Variants in MARCHF10 observed in about 807,000 individuals in gnomAD.
MARCHF10 encodes probable E3 ubiquitin-protein ligase MARCHF10.
In MARCHF10, 64 loss-of-function variants were observed where a neutral mutation model predicts 76.2. The observed-to-expected ratio is 0.84, with a 90% CI of 0.69 to 1.03. The LOEUF is 1.03. MARCHF10 is among the 50% of genes least tolerant of loss of function. MARCHF10 has a pLI of 0.00. For synonymous variants in MARCHF10, 340 were observed against 357.5 expected, an observed-to-expected ratio of 0.95 and a Z score of 0.55; for missense variants, 875 against 958.0, an observed-to-expected ratio of 0.91 and a Z score of 1.14.
intron 7 of MARCHF10, among the ~76,000 whole-genome samples, 163 bp from the exon 8 acceptor site, chr17:62,722,760 A>C (rs910260684): frequency 4.0e-5 from 6 of 151,742 alleles, no homozygotes; most frequent in African/African-American, 1.5e-4. Context: ...ATGACCTTGA[A>C]TCTGAGAGCT....
In MARCHF10 at chr17:62,722,607, G is replaced by T; in HGVS notation, c.2105-10C>A. The T allele has an allele frequency of 1.2e-6, 2 of 1,607,774 alleles. No homozygotes were observed. Among genetic ancestry groups the T allele is most frequent in the Non-Finnish European group, 1.7e-6 (2 of 1,176,014 alleles). Reference sequence around the variant, plus strand: ...GCACCAAGATCTGCTCCTTAAATTGGATAAAGAATTATATGTACATATAAC... The same window carrying T: ...GCACCAAGATCTGCTCCTTAAATTGTATAAAGAATTATATGTACATATAAC... On this transcript the variant is annotated splice_polypyrimidine_tract_variant and intron_variant, in intron 7 of 10. Transcript: ENST00000311269.
intron 5 of MARCHF10, 199 bp from the exon 6 acceptor site, chr17:62,737,531 A>G (rs2091328464): frequency 3.4e-6 from 2 of 586,108 alleles, no homozygotes; most frequent in Admixed American, 6.8e-5. Flanking sequence ...TCTCCTTTGT[A>G]CCCCTGTGGT....
At chr17:62,781,968 T>C (rs138767281) in intron 3 of MARCHF10, among the ~76,000 whole-genome samples, 1 of 152,242 alleles carries the variant, frequency 6.6e-6, no homozygotes, top group East Asian at 1.9e-4. Flanking sequence ...CAGAGGCAAA[T>C]GCTATTTCGA....
intron 6 of MARCHF10, among the ~76,000 whole-genome samples, chr17:62,732,992 C>CAAAAAAAAAAAA (rs398041783): frequency 6.0e-5 from 4 of 66,540 alleles, no homozygotes; most frequent in Non-Finnish European, 5.9e-5. Flanking sequence ...GACTCAGTCT[C>CAAAAAAAAAAAA]AAAAAAAAAA....
intron 1 of MARCHF10, chr17:62,804,896 C>G (rs181363753): frequency 6.6e-6 from 1 of 152,404 alleles, no homozygotes; most frequent in East Asian, 1.9e-4. Context: ...GGCGACATCT[C>G]TACCTTCAGG....
At chr17:62,723,321 C>T (rs1490936830) in intron 7 of MARCHF10, among the ~76,000 whole-genome samples, 1 of 151,250 alleles carries the variant, frequency 6.6e-6, no homozygotes, top group African/African-American at 2.4e-5. Flanking sequence ...TTCTGCCAGA[C>T]AGTTTCTCCC....
intron 5 of MARCHF10, among the ~76,000 whole-genome samples, chr17:62,742,881 C>A (rs771075829): frequency 6.6e-6 from 1 of 151,966 alleles, no homozygotes; most frequent in Admixed American, 6.6e-5. Context: ...TGATCTTCCA[C>A]CTCCGCCTCC....
At chr17:62,704,946 G>GTGTTTT in intron 10 of MARCHF10, 17 of 837,080 alleles carry the variant, frequency 2.0e-5, no homozygotes, top group African/African-American at 9.7e-5. Flanking sequence ...TTCTCCAGTC[G>GTGTTTT]TTTTTTTTTT....
intron 8 of MARCHF10, among the ~76,000 whole-genome samples, chr17:62,715,844 G>C (rs1204762459): frequency 6.6e-6 from 1 of 152,158 alleles, no homozygotes; most frequent in African/African-American, 2.4e-5. Context: ...TAGCACCTGT[G>C]AGCAGCATCT....
intron 2 of MARCHF10, among the ~76,000 whole-genome samples, chr17:62,794,049 AACC>A (rs971273032): frequency 1.5e-5 from 2 of 131,512 alleles, no homozygotes; most frequent in African/African-American, 3.0e-5. Context: ...ACATCTCCAT[AACC>A]ACCATCACCA....
At chr17:62,787,462 A>T (rs962560998) in intron 3 of MARCHF10, among the ~76,000 whole-genome samples, 4 of 152,174 alleles carry the variant, frequency 2.6e-5, no homozygotes, top group Non-Finnish European at 4.4e-5. Flanking sequence ...ATTAAATAGG[A>T]ATTCATAAAA....
intron 3 of MARCHF10, among the ~76,000 whole-genome samples, chr17:62,762,577 T>C (rs940996192): frequency 2.0e-5 from 3 of 152,194 alleles, no homozygotes; most frequent in Admixed American, 6.5e-5. Context: ...GACAGAGTCT[T>C]GCTCTGTCAC....
intron 6 of MARCHF10, among the ~76,000 whole-genome samples, chr17:62,727,502 C>CA (rs138004879): frequency 0.026 from 3,834 of 148,612 alleles, 168 homozygotes; most frequent in African/African-American, 0.089. Flanking sequence ...GACCTTGTCT[C>CA]AAAAAAAAAG....
chr17:62,772,337 C>A (rs895739065), intron 3 of MARCHF10, among the ~76,000 whole-genome samples: 3 of 152,154 alleles, frequency 2.0e-5, no homozygotes, highest in African/African-American at 7.2e-5. Flanking sequence ...TCGCCTTCTG[C>A]CATGATTGTG....
chr17:62,792,753 ACC>A, intron 2 of MARCHF10, among the ~76,000 whole-genome samples: 1 of 133,908 alleles, frequency 7.5e-6, no homozygotes. Flanking sequence ...CACCTCCATC[ACC>A]ACCACCACCT....
At chr17:62,801,832 T>C in intron 1 of MARCHF10, 80 bp from the exon 2 acceptor site, 2 of 1,031,102 alleles carry the variant, frequency 1.9e-6, no homozygotes, top group South Asian at 2.5e-5. Flanking sequence ...TTCATCTAAT[T>C]GCTTTTATTT....
intron 3 of MARCHF10, among the ~76,000 whole-genome samples, chr17:62,784,132 A>G (rs1293647227): frequency 1.3e-5 from 2 of 152,332 alleles, no homozygotes; most frequent in East Asian, 3.9e-4. Context: ...TCAATAAAAT[A>G]CTGGCAAAGC....
At chr17:62,739,555 A>G (rs1264005066) in intron 5 of MARCHF10, among the ~76,000 whole-genome samples, 1 of 151,762 alleles carries the variant, frequency 6.6e-6, no homozygotes, top group African/African-American at 2.4e-5. Flanking sequence ...CTAATTTTGT[A>G]TTTTTAGTAG....
intron 3 of MARCHF10, among the ~76,000 whole-genome samples, chr17:62,782,844 T>A (rs73992063): frequency 1.3e-5 from 2 of 152,092 alleles, no homozygotes; most frequent in Non-Finnish European, 2.9e-5. Flanking sequence ...ACAAGTTGAA[T>A]GGCTGTTAAG....
Sources: gnomAD v4.1 joint callset for allele counts (sites outside exome capture counted in the v4.1 genomes callset) on GRCh38, gnomAD v4.1.1 for gene constraint, MANE v1.5 for transcripts, NCBI Gene and HGNC (gene_info 2026-07-23, HGNC 2026-07-21) for gene names.